The following PCDHA11 variants were observed in gnomAD, a reference collection of about 807,000 sequenced individuals.
PCDHA11 encodes the protein protocadherin alpha-11.
In PCDHA11, 61 loss-of-function variants were observed where a neutral mutation model predicts 70.3. The ratio of observed to expected loss-of-function variants is 0.87; its 90% CI spans 0.71 to 1.07. PCDHA11 has a LOEUF of 1.07. PCDHA11 is among the 50% of genes least tolerant of loss of function. The probability of loss-of-function intolerance (pLI) is 0.00; values close to 1 mark genes in which losing one functional copy is unlikely to be tolerated. For missense variants in PCDHA11, 1,324 were observed against 1,237.5 expected (o/e 1.07, Z -1.05); for synonymous variants, 633 against 555.1 (o/e 1.14, Z -1.97).
chr5:140,979,060 C>T, intron 2 of PCDHA11, 53 bp downstream of exon 2: 1 of 1,606,180 alleles, frequency 6.2e-7, no homozygotes, highest in Non-Finnish European at 8.5e-7. Context: ...TGGTATGGCT[C>T]AGATAAACTG....
chr5:140,907,641 C>T (rs2073511625), intron 1 of PCDHA11, among the ~76,000 whole-genome samples: 1 of 152,212 alleles, frequency 6.6e-6, no homozygotes, highest in Non-Finnish European at 1.5e-5. Context: ...CTGCTGCTGG[C>T]AAATTGGGCA....
chr5:140,870,202 G>T lies in PCDHA11; in HGVS notation c.1099G>T (p.Val367Phe). ...PVREDAQPST[V>F]IALISVSDRD... is the part of the protein sequence containing the mutation. ...ACGAGAGGACGCTCAGCCCAGCACG[G>T]TCATTGCCCTGATCAGCGTGTCTGA... The change falls in exon 1 of 4, where the codon GTC (valine) becomes TTC (phenylalanine). Residue 367 changes from valine to phenylalanine, a missense_variant. Transcript: ENST00000398640. 1 of 1,614,162 alleles carries T rather than the reference G, an allele frequency of 6.2e-7. No individual in the cohort carries two copies. The highest frequency in any genetic ancestry group is 8.5e-7 in the Non-Finnish European group (1 of 1,180,044).
chr5:140,920,133 C>A (rs1463322279), intron 1 of PCDHA11, among the ~76,000 whole-genome samples: 7 of 152,178 alleles, frequency 4.6e-5, no homozygotes, highest in African/African-American at 1.4e-4. Flanking sequence ...AGTTTTAATT[C>A]TCCTCTCCAA....
chr5:140,921,212 C>T lies in PCDHA11; in HGVS notation c.2391+49718C>T, dbSNP rs78827164. On this transcript the variant is annotated intron_variant, in intron 1 of 3. Coordinates refer to ENST00000398640, the MANE Select transcript of PCDHA11 (RefSeq NM_018902.5). ...ACAATAGATTGACAACGATAATTCA[C>T]GTCTTTTTTGCTAGATGATATTAAG... is the stretch of plus-strand genomic sequence containing the variant. Among the ~76,000 whole-genome samples the T allele has an allele frequency of 3.7e-3, 555 of 152,020 alleles. 3 individuals carry two copies. Among genetic ancestry groups the T allele is most frequent in the Non-Finnish European group, 5.8e-3 (395 of 67,980 alleles).
intron 1 of PCDHA11, among the ~76,000 whole-genome samples, chr5:140,900,040 G>A (rs1407235485): frequency 4.6e-5 from 7 of 152,046 alleles, no homozygotes; most frequent in Non-Finnish European, 8.8e-5. Flanking sequence ...GAATTCCTGG[G>A]CTCAAGTGAT....
At chr5:140,939,243 T>C (rs1414943094) in intron 1 of PCDHA11, among the ~76,000 whole-genome samples, 1 of 152,168 alleles carries the variant, frequency 6.6e-6, no homozygotes, top group Non-Finnish European at 1.5e-5. Context: ...AGGAGCAAGG[T>C]AGCTCTCTGG....
intron 1 of PCDHA11, chr5:140,876,767 C>G (rs1462172871): frequency 6.2e-7 from 1 of 1,614,076 alleles, no homozygotes. Flanking sequence ...GATGGGGGCT[C>G]GCCTTCGCTG....
intron 1 of PCDHA11, among the ~76,000 whole-genome samples, chr5:140,873,367 A>G (rs782242904): frequency 2.0e-5 from 3 of 152,174 alleles, no homozygotes; most frequent in Non-Finnish European, 2.9e-5. Context: ...GAATAACTGA[A>G]GATCTTTTAA....
At chr5:140,981,284 G>A (rs1554242765) in intron 2 of PCDHA11, among the ~76,000 whole-genome samples, 4 of 152,094 alleles carry the variant, frequency 2.6e-5, no homozygotes, top group Non-Finnish European at 5.9e-5. Context: ...GTTTAAAAGG[G>A]TCCTCTAGTC....
intron 3 of PCDHA11, among the ~76,000 whole-genome samples, chr5:140,990,502 A>T (rs1303617067): frequency 6.6e-6 from 1 of 152,164 alleles, no homozygotes; most frequent in African/African-American, 2.4e-5. Context: ...ACATTCCCCA[A>T]GTCTTCTCTC....
Position 141,010,180 on chromosome 5 carries a change from AC to A in PCDHA11, c.*246del. The stretch of plus-strand genomic sequence containing the variant: ...CTTGTTTTCAGAACCTAAAAAGCAG[AC>A]CCAAGTTTCCTTTCTCCTCCGCCGC... On this transcript the variant is annotated 3_prime_UTR_variant, in exon 4 of 4. Coordinates refer to ENST00000398640, the MANE Select transcript of PCDHA11 (RefSeq NM_018902.5). 2 of 1,554,710 alleles carry A rather than the reference AC, an allele frequency of 1.3e-6. No individual in the cohort carries two copies. The highest frequency in any genetic ancestry group is 1.7e-6 in the Non-Finnish European group (2 of 1,148,310).
chr5:140,972,411 G>A (rs1258321444), intron 1 of PCDHA11, among the ~76,000 whole-genome samples: 1 of 151,680 alleles, frequency 6.6e-6, no homozygotes, highest in Non-Finnish European at 1.5e-5. Flanking sequence ...GGCAAACCCT[G>A]TTAAGATCTT....
At chr5:140,896,116 A>G (rs2065393833) in intron 1 of PCDHA11, among the ~76,000 whole-genome samples, 1 of 152,044 alleles carries the variant, frequency 6.6e-6, no homozygotes, top group Admixed American at 6.6e-5. Context: ...TGGCCAATGT[A>G]CTGCATTTTA....
intron 1 of PCDHA11, chr5:140,966,674 G>A: frequency 7.7e-7 from 1 of 1,295,168 alleles, no homozygotes; most frequent in Non-Finnish European, 1.0e-6. Flanking sequence ...GGCGCAGGGT[G>A]GCACGAGCGG....
rs782354452 is a variant in PCDHA11, at chr5:140,966,783, C to G, written c.2392-12166C>G. 28 of 1,520,948 alleles carry G rather than the reference C, an allele frequency of 1.8e-5. No homozygotes were observed. The highest frequency in any genetic ancestry group is 2.1e-4 in the Middle Eastern group (1 of 4,706). The allele number at this position is 1,520,948 out of a possible 1,614,324, so 94.2% of individuals were successfully genotyped here. On this transcript the variant is annotated intron_variant, in intron 1 of 3. Transcript: ENST00000398640. ...CCAGTGGCTATGGAGCAGGCGGGCA[C>G]CAGACCTGCGGCGACAGAGCATCCA...
chr5:140,886,014 CTA>C (rs1317969139), intron 1 of PCDHA11, among the ~76,000 whole-genome samples: 1 of 152,078 alleles, frequency 6.6e-6, no homozygotes, highest in Non-Finnish European at 1.5e-5. Flanking sequence ...AAGGGAGATG[CTA>C]TGTATTCTTC....
chr5:140,939,215 G>C (rs1251785254), intron 1 of PCDHA11, among the ~76,000 whole-genome samples: 1 of 152,154 alleles, frequency 6.6e-6, no homozygotes, highest in African/African-American at 2.4e-5. Context: ...CCTTCTTGCT[G>C]TCTCTTCACC....
At chr5:141,007,419 T>C (rs1554261276) in intron 3 of PCDHA11, among the ~76,000 whole-genome samples, 3 of 141,394 alleles carry the variant, frequency 2.1e-5, no homozygotes, top group African/African-American at 5.2e-5. Flanking sequence ...AAAAAAAAAA[T>C]TAGCCAGGCA....
At chr5:140,935,676 A>G (rs1168512325) in intron 1 of PCDHA11, among the ~76,000 whole-genome samples, 1 of 152,166 alleles carries the variant, frequency 6.6e-6, no homozygotes, top group Non-Finnish European at 1.5e-5. Context: ...TATGTGAAAT[A>G]TTTACATGGC....
Sources: allele counts gnomAD v4.1 joint callset (sites outside exome capture counted in the v4.1 genomes callset), GRCh38; gene constraint gnomAD v4.1.1; transcripts MANE v1.5; gene names NCBI Gene and HGNC (gene_info 2026-07-23, HGNC 2026-07-21).